ERC1: variants seen among roughly 807,000 people sequenced by gnomAD.
The protein encoded by ERC1 is ELKS/RAB6-interacting/CAST family member 1.
ERC1 carries 56 observed loss-of-function variants against 132.0 expected under a neutral mutation model. The observed-to-expected ratio is 0.42, with a 90% CI of 0.34 to 0.53. The LOEUF (loss-of-function observed/expected upper bound fraction) is 0.53, where lower values mean the gene tolerates loss of function less well. Ranked by LOEUF, ERC1 falls within the 20% of genes least tolerant of loss-of-function variation. ERC1 has a pLI of 0.03. For synonymous variants in ERC1, 478 were observed against 476.1 expected, an observed-to-expected ratio of 1.00 and a Z score of -0.05; for missense variants, 1,202 against 1,349.9, an observed-to-expected ratio of 0.89 and a Z score of 1.72.
At chr12:1,111,940 A>G (rs541870950) in intron 5 of ERC1, among the ~76,000 whole-genome samples, 1 of 151,924 alleles carries the variant, frequency 6.6e-6, no homozygotes, top group African/African-American at 2.4e-5. Flanking sequence ...ATTAGTTTGG[A>G]TTTTTCACCC....
intron 2 of ERC1, among the ~76,000 whole-genome samples, chr12:1,053,986 A>C (rs1288895421): frequency 6.6e-6 from 1 of 152,076 alleles, no homozygotes; most frequent in East Asian, 1.9e-4. Context: ...CTTATCTTTC[A>C]AGTGTTTGCA....
At chr12:1,168,096 A>G (rs1303670599) in intron 8 of ERC1, among the ~76,000 whole-genome samples, 3 of 151,814 alleles carry the variant, frequency 2.0e-5, no homozygotes, top group Non-Finnish European at 4.4e-5. Context: ...TTCAGGCTGA[A>G]CTCTGCCTTA....
At chr12:1,207,650 G>C (rs1957466438) in intron 12 of ERC1, among the ~76,000 whole-genome samples, 1 of 152,154 alleles carries the variant, frequency 6.6e-6, no homozygotes, top group Non-Finnish European at 1.5e-5. Flanking sequence ...ATGCAGACTT[G>C]TGCTGATCTT....
At chr12:1,138,066 ATTG>A (rs1299915197) in intron 7 of ERC1, among the ~76,000 whole-genome samples, 2 of 109,528 alleles carry the variant, frequency 1.8e-5, no homozygotes, top group Admixed American at 1.0e-4. Flanking sequence ...ATAATTATAT[ATTG>A]TTTTATATTA....
intron 15 of ERC1, among the ~76,000 whole-genome samples, chr12:1,291,061 T>C (rs1365822163): frequency 6.6e-6 from 1 of 152,202 alleles, no homozygotes; most frequent in Non-Finnish European, 1.5e-5. Context: ...CAGTAAACTT[T>C]GAATACCTGA....
At chr12:1,290,416 T>A (rs2079361070) in intron 15 of ERC1, among the ~76,000 whole-genome samples, 1 of 152,184 alleles carries the variant, frequency 6.6e-6, no homozygotes, top group South Asian at 2.1e-4. Context: ...GTAGAGAGAA[T>A]GAACCCCCAT....
chr12:1,256,545 G>T lies in ERC1; in HGVS notation c.2488-6489G>T, dbSNP rs368615295. Among the ~76,000 whole-genome samples, 41 of 149,948 alleles carry T rather than the reference G, an allele frequency of 2.7e-4. 2 individuals are homozygous for T. In the South Asian group the frequency reaches 8.9e-3, roughly 32 times the overall value. ...AAAACATTTGCCCAATTTTTTTTCAGCTGAACTTTGATGATTGGCCTATCA... is the reference window on the plus strand; with the variant it reads ...AAAACATTTGCCCAATTTTTTTTCATCTGAACTTTGATGATTGGCCTATCA... On this transcript the variant is annotated intron_variant, in intron 13 of 18. Coordinates refer to ENST00000360905, the MANE Select transcript of ERC1 (RefSeq NM_178040.4).
chr12:1,073,588 G>T (rs1940816055), intron 2 of ERC1, among the ~76,000 whole-genome samples: 1 of 152,006 alleles, frequency 6.6e-6, no homozygotes, highest in African/African-American at 2.4e-5. Context: ...GGCGGAGGTT[G>T]CAGTGAGCCG....
At chr12:1,002,079 C>G (rs1962453166) in intron 1 of ERC1, among the ~76,000 whole-genome samples, 1 of 142,164 alleles carries the variant, frequency 7.0e-6, no homozygotes, top group African/African-American at 2.6e-5. Flanking sequence ...CCAGGCTGGT[C>G]TGGAACTCCT....
At chr12:1,366,935 G>A (rs1211969248) in intron 15 of ERC1, among the ~76,000 whole-genome samples, 1 of 152,164 alleles carries the variant, frequency 6.6e-6, no homozygotes, top group Non-Finnish European at 1.5e-5. Context: ...AAGATATACA[G>A]GGACCAAAGT....
At chr12:1,091,238 T>A (rs1032819244) in intron 3 of ERC1, among the ~76,000 whole-genome samples, 15 of 152,118 alleles carry the variant, frequency 9.9e-5, no homozygotes, top group African/African-American at 3.6e-4. Context: ...TTTTTTTATC[T>A]TACAAGGATG....
At chr12:1,084,863 T>C (rs1942762823) in intron 3 of ERC1, among the ~76,000 whole-genome samples, 1 of 151,940 alleles carries the variant, frequency 6.6e-6, no homozygotes, top group Admixed American at 6.6e-5. Flanking sequence ...TGTTAATTTT[T>C]AAATTAAAAA....
chr12:1,232,416 G>C (rs1482002949), intron 12 of ERC1, among the ~76,000 whole-genome samples: 2 of 152,172 alleles, frequency 1.3e-5, no homozygotes, highest in East Asian at 3.8e-4. Flanking sequence ...CTATTCTCCT[G>C]TTGGGACCTT....
At chr12:1,202,981 G>A (rs1404749204) in intron 12 of ERC1, among the ~76,000 whole-genome samples, 1 of 152,190 alleles carries the variant, frequency 6.6e-6, no homozygotes, top group Non-Finnish European at 1.5e-5. Context: ...GATGCTAAAC[G>A]TTCATGGAGT....
chr12:1,386,659 A>AAAAAAAAC lies in ERC1; in HGVS notation c.2925+14688_2925+14689insACAAAAAA, dbSNP rs1331694388. 6.1e-5 allele frequency: 8 copies of AAAAAAAAC among 131,658 alleles called. No homozygotes were observed. The East Asian group carries it at 1.4e-3, about 23-fold the overall frequency. The allele number at this position is 131,658 out of a possible 1,614,324, so 8.2% of individuals were successfully genotyped here. A position where few individuals can be genotyped will look rare whatever the true frequency, so the allele number is the denominator to read the frequency against. On this transcript the variant is annotated intron_variant, in intron 16 of 18. Coordinates refer to ENST00000360905, the MANE Select transcript of ERC1 (RefSeq NM_178040.4). Reference sequence around the variant, plus strand: ...AGAGCAAGACTTCGTCTCAAAAAAAAAAAAAACATTAAAAAGTACACATGT... The same window carrying AAAAAAAAC: ...AGAGCAAGACTTCGTCTCAAAAAAAAAAAAAAACAAAAAACATTAAAAAGTACACATGT...
chr12:1,368,464 T>C (rs942006610), intron 15 of ERC1, among the ~76,000 whole-genome samples: 1 of 152,228 alleles, frequency 6.6e-6, no homozygotes, highest in Non-Finnish European at 1.5e-5. Context: ...TTTTTTCCAC[T>C]GTGAATTCCA....
intron 18 of ERC1, among the ~76,000 whole-genome samples, chr12:1,460,030 G>A (rs1592189509): frequency 6.6e-6 from 1 of 152,216 alleles, no homozygotes; most frequent in East Asian, 1.9e-4. Context: ...TAAAATGTTA[G>A]CAGTTAAGGA....
chr12:1,227,332 A>G (rs965858024), intron 12 of ERC1, among the ~76,000 whole-genome samples: 1 of 152,162 alleles, frequency 6.6e-6, no homozygotes, highest in Non-Finnish European at 1.5e-5. Context: ...TCTAACTGGT[A>G]TGAGGTGATA....
chr12:1,421,605 T>TA (rs1168510487), intron 17 of ERC1, among the ~76,000 whole-genome samples: 1 of 152,172 alleles, frequency 6.6e-6, no homozygotes, highest in Non-Finnish European at 1.5e-5. Flanking sequence ...AAAAATATCT[T>TA]AAAGACCAAT....
Sources: allele counts gnomAD v4.1 joint callset (sites outside exome capture counted in the v4.1 genomes callset), GRCh38; gene constraint gnomAD v4.1.1; transcripts MANE v1.5; gene names NCBI Gene and HGNC (gene_info 2026-07-23, HGNC 2026-07-21).